TG: variants seen among roughly 807,000 people sequenced by gnomAD.
TG encodes the protein thyroglobulin.
TG carries 270 observed loss-of-function variants against 324.7 expected under a neutral mutation model. The ratio of observed to expected loss-of-function variants is 0.83; its 90% CI spans 0.75 to 0.92. The LOEUF is 0.92. TG is among the 40% of genes least tolerant of loss of function. The pLI is 0.00. For missense variants in TG, 3,591 were observed against 3,456.4 expected, an observed-to-expected ratio of 1.04 and a Z score of -0.98; for synonymous variants, 1,401 against 1,327.0, an observed-to-expected ratio of 1.06 and a Z score of -1.21.
chr8:132,989,225 G>A (rs1454269613), intron 35 of TG, among the ~76,000 whole-genome samples: 1 of 152,210 alleles, frequency 6.6e-6, no homozygotes, highest in Non-Finnish European at 1.5e-5. Flanking sequence ...TATGGAAGCT[G>A]CAAGGTGAGA....
chr8:133,039,595 G>A (rs1255023723), intron 41 of TG, among the ~76,000 whole-genome samples: 1 of 152,184 alleles, frequency 6.6e-6, no homozygotes, highest in African/African-American at 2.4e-5. Flanking sequence ...AGAAGTCACT[G>A]TAGGATTCTG....
chr8:132,972,184 A>C, intron 33 of TG: 1 of 462,170 alleles, frequency 2.2e-6, no homozygotes, highest in Non-Finnish European at 4.0e-6. Context: ...ATCCATTTGC[A>C]TGATGTGTAC....
At chr8:132,948,186 C>A (rs1205247084) in intron 26 of TG, among the ~76,000 whole-genome samples, 3 of 151,480 alleles carry the variant, frequency 2.0e-5, no homozygotes, top group Admixed American at 2.0e-4. Context: ...CCGTCCCCCC[C>A]CAAAAAAAGT....
At chr8:133,004,189 A>AT (rs1554694603) in intron 35 of TG, among the ~76,000 whole-genome samples, 1 of 110,972 alleles carries the variant, frequency 9.0e-6, no homozygotes. Context: ...TTCTCCTCCA[A>AT]GGCTTAGGGC....
chr8:132,964,790 G>A, intron 29 of TG: 1 of 648,364 alleles, frequency 1.5e-6, no homozygotes, highest in Non-Finnish European at 2.8e-6. Context: ...CCATGTGCCA[G>A]CCACTGCATG....
chr8:133,121,449 C>G (rs1333582392), intron 45 of TG, among the ~76,000 whole-genome samples: 1 of 152,166 alleles, frequency 6.6e-6, no homozygotes, highest in Non-Finnish European at 1.5e-5. Context: ...ACCCAGTCAC[C>G]TAAAGAAATC....
intron 35 of TG, 113 bp downstream of exon 35, chr8:132,983,525 T>A: frequency 9.5e-7 from 1 of 1,055,718 alleles, no homozygotes; most frequent in Non-Finnish European, 1.5e-6. Flanking sequence ...TCACTCGCAT[T>A]AATTCCAGCT....
At chr8:133,013,878 G>A in intron 37 of TG, 114 bp downstream of exon 37, 2 of 1,343,326 alleles carry the variant, frequency 1.5e-6, no homozygotes, top group Non-Finnish European at 2.1e-6. Context: ...AAAGTTCTGG[G>A]CTAGGTGGCA....
chr8:132,899,822 G>A (rs905542282), intron 14 of TG, among the ~76,000 whole-genome samples: 1 of 152,212 alleles, frequency 6.6e-6, no homozygotes, highest in East Asian at 1.9e-4. Context: ...TGCAAGGCCA[G>A]TTCCTGTGGA....
In TG at chr8:132,919,447, C is replaced by G; in HGVS notation, c.4450C>G (p.Gln1484Glu). Residue 1484 changes from glutamine (Q) to glutamate (E), a missense_variant, in exon 21 of 48, where the codon CAG (glutamine) becomes GAG (glutamate). Gln to Glu is a conservative substitution (Grantham distance 29, BLOSUM62 2). Coordinates refer to ENST00000220616, the MANE Select transcript of TG (RefSeq NM_003235.5). ...IPCPVGFYQE[Q>E]AGSLACVPCP... ...TTGTCCTGTTGGATTCTACCAAGAA[C>G]AGGCAGGGAGCTTGGCCTGTGTCCC... The G allele has an allele frequency of 6.2e-7, 1 of 1,614,148 alleles. No individual in the cohort carries two copies.
At chr8:133,125,129 C>A (rs1391830670) in intron 45 of TG, among the ~76,000 whole-genome samples, 2 of 152,242 alleles carry the variant, frequency 1.3e-5, no homozygotes, top group Non-Finnish European at 2.9e-5. Context: ...GTCTATGCTG[C>A]AGATCCCCTT....
intron 39 of TG, 23 bp from the exon 40 acceptor site, chr8:133,021,968 T>A (rs770173923): frequency 6.2e-7 from 1 of 1,613,954 alleles, no homozygotes; most frequent in Non-Finnish European, 8.5e-7. Context: ...CACTTTAGCC[T>A]CATGTTTCTC....
At chr8:133,033,138 C>T (rs1195108027) in intron 41 of TG, among the ~76,000 whole-genome samples, 1 of 152,158 alleles carries the variant, frequency 6.6e-6, no homozygotes, top group African/African-American at 2.4e-5. Flanking sequence ...TTGGAGAAAA[C>T]ACTTCACCTT....
intron 28 of TG, among the ~76,000 whole-genome samples, chr8:132,961,661 C>G (rs1415602903): frequency 6.6e-6 from 1 of 152,132 alleles, no homozygotes; most frequent in African/African-American, 2.4e-5. Flanking sequence ...AGGGGAGAGA[C>G]GAGAGGCACA....
chr8:133,113,369 C>T lies in TG; in HGVS notation c.7573-53C>T, dbSNP rs184964344. 16 of 1,602,868 alleles carry T rather than the reference C, an allele frequency of 1.0e-5. No homozygotes were observed. The East Asian group carries it at 3.3e-4, about 34-fold the overall frequency. On this transcript the variant is annotated intron_variant, in intron 43 of 47. Transcript: ENST00000220616. The stretch of plus-strand genomic sequence containing the variant: ...AGAGCAAGGGTTTGAGGGACACTGA[C>T]TTGGACCTTTCAGAATCCAACTGAG...
intron 41 of TG, among the ~76,000 whole-genome samples, chr8:133,090,920 C>T (rs757919205): frequency 2.8e-4 from 43 of 152,270 alleles, no homozygotes; most frequent in Admixed American, 1.1e-3. Context: ...CACGAGATGA[C>T]ACACTGGTTA....
At position 132,994,907 on chromosome 8, in the gene TG, T is replaced by C. The variant is rs532662430; in HGVS notation, c.6262+11495T>C. 2.2e-5 allele frequency: 26 copies of C among 1,166,860 alleles called. No individual in the cohort carries two copies. The South Asian group carries it at 3.1e-4, about 14-fold the overall frequency. The allele number at this position is 1,166,860 out of a possible 1,614,324, so 72.3% of individuals were successfully genotyped here. ...ATTGAGGTAATGAGCTCCCTGTCAC[T>C]GGAGTATTCAAATATGTTGAAGATT... On this transcript the variant is annotated intron_variant, in intron 35 of 47. Transcript: ENST00000220616.
rs545963324 is a variant in TG at position 132,894,652 on chromosome 8, G to A, written c.3001+723G>A. 3.9e-5 allele frequency among the ~76,000 whole-genome samples: 6 copies of A among 152,228 alleles called. No individual in the cohort carries two copies. In the East Asian group the frequency reaches 7.7e-4, roughly 20 times the overall value. On this transcript the variant is annotated intron_variant, in intron 11 of 47. Coordinates refer to ENST00000220616, the MANE Select transcript of TG (RefSeq NM_003235.5). ...ATTTGCACATTTTTAGTAGAAACAG[G>A]ATTTCACCATGTTGGCCAGGCTGGT...
chr8:133,117,776 A>T (rs1481077537), intron 45 of TG, among the ~76,000 whole-genome samples: 1 of 152,220 alleles, frequency 6.6e-6, no homozygotes, highest in Non-Finnish European at 1.5e-5. Flanking sequence ...GGTCAAGAAC[A>T]TTCATCACTC....
Sources: gnomAD v4.1 joint callset for allele counts (sites outside exome capture counted in the v4.1 genomes callset) on GRCh38, gnomAD v4.1.1 for gene constraint, MANE v1.5 for transcripts, NCBI Gene and HGNC (gene_info 2026-07-23, HGNC 2026-07-21) for gene names.